The following PTPN21 variants were observed in gnomAD, a reference collection of about 807,000 sequenced individuals.
The protein encoded by PTPN21 is tyrosine-protein phosphatase non-receptor type 21.
Under a neutral mutation model 131.8 loss-of-function variants are expected in PTPN21, and 77 were observed. The ratio of observed to expected loss-of-function variants is 0.58; its 90% CI spans 0.49 to 0.71. The LOEUF is 0.71. Ranked by LOEUF, PTPN21 falls within the 30% of genes least tolerant of loss-of-function variation. PTPN21 has a pLI of 0.00. For missense variants in PTPN21, 1,552 were observed against 1,527.1 expected (o/e 1.02, Z -0.27); for synonymous variants, 715 against 621.3 (o/e 1.15, Z -2.24).
intron 12 of PTPN21, among the ~76,000 whole-genome samples, chr14:88,482,685 G>C (rs73314169): frequency 1.3e-5 from 2 of 151,924 alleles, no homozygotes; most frequent in South Asian, 4.2e-4. Context: ...CAGAGGGAGG[G>C]AAAAAGCCAC....
chr14:88,479,916 T>A lies in PTPN21; in HGVS notation c.1515A>T (p.Pro505=). Residue 505 remains proline (P), a synonymous_variant, in exon 13 of 19, where the codon CCA becomes CCT. Transcript: ENST00000556564. ...EIREHAQLPS[P]AAAHCPFSLS... is the part of the protein sequence containing the mutation. ...GGCTGAACGGGCAGTGTGCGGCCGC[T>A]GGCGAGGGGAGCTGTGCGTGCTCGC... is the stretch of plus-strand genomic sequence containing the variant. The A allele has an allele frequency of 6.2e-7, 1 of 1,601,766 alleles. No individual in the cohort carries two copies. Among genetic ancestry groups the A allele is most frequent in the Non-Finnish European group, 8.5e-7 (1 of 1,177,988 alleles).
At chr14:88,528,770 T>C (rs2078515342) in intron 2 of PTPN21, among the ~76,000 whole-genome samples, 1 of 152,234 alleles carries the variant, frequency 6.6e-6, no homozygotes, top group Non-Finnish European at 1.5e-5. Flanking sequence ...GAACTGTAAG[T>C]CCATTAAATC....
chr14:88,475,663 G>A (rs58750542), intron 13 of PTPN21, among the ~76,000 whole-genome samples: 189 of 152,322 alleles, frequency 1.2e-3, no homozygotes, highest in African/African-American at 4.4e-3. Flanking sequence ...GTTTTGATCG[G>A]TGTTTGCCCA....
intron 13 of PTPN21, among the ~76,000 whole-genome samples, chr14:88,476,948 T>C (rs2077554961): frequency 6.6e-6 from 1 of 152,122 alleles, no homozygotes; most frequent in Non-Finnish European, 1.5e-5. Context: ...ATTCAAAACA[T>C]ACAGGGATAA....
At chr14:88,546,577 A>G (rs1264112548) in intron 2 of PTPN21, among the ~76,000 whole-genome samples, 2 of 19,688 alleles carry the variant, frequency 1.0e-4, no homozygotes, top group African/African-American at 1.1e-4. Context: ...CTCCATCTCA[A>G]AAAAAAAAAA....
chr14:88,536,023 AACTTT>A (rs567141375), intron 2 of PTPN21, among the ~76,000 whole-genome samples: 136 of 152,328 alleles, frequency 8.9e-4, no homozygotes, highest in Non-Finnish European at 1.2e-3. Flanking sequence ...CCTGATAAGA[AACTTT>A]ACCTCCACGT....
At chr14:88,510,681 G>T (rs1322291409) in intron 3 of PTPN21, among the ~76,000 whole-genome samples, 3 of 152,156 alleles carry the variant, frequency 2.0e-5, no homozygotes, top group Non-Finnish European at 4.4e-5. Context: ...CTTGGGCAAG[G>T]TGTTCAACCC....
At position 88,473,721 on chromosome 14, in the gene PTPN21, C is replaced by T. The variant is rs2077505302; in HGVS notation, c.2593G>A (p.Val865Met). ...AALNGLSLSRVPLPDEGKEVA... is the reference protein window; with the variant it reads ...AALNGLSLSRMPLPDEGKEVA... The stretch of plus-strand genomic sequence containing the variant: ...TCCTTTCCTTCATCAGGCAGAGGCA[C>T]TCGAGATAGGGAGAGTCCATTTAGG... The change falls in exon 14 of 19, where the codon GTG becomes ATG. Residue 865 changes from valine (V) to methionine (M), a missense_variant. Val to Met is a conservative substitution (Grantham distance 21). Coordinates refer to ENST00000556564, the MANE Select transcript of PTPN21 (RefSeq NM_007039.4). 1.9e-6 allele frequency: 3 copies of T among 1,612,758 alleles called. No individual in the cohort carries two copies. Among genetic ancestry groups the T allele is most frequent in the Admixed American group, 3.4e-5 (2 of 59,648 alleles).
Position 88,480,110 on chromosome 14 carries a change from T to C in PTPN21, c.1321A>G (p.Ile441Val). The C allele has an allele frequency of 6.2e-7, 1 of 1,614,162 alleles. No homozygotes were observed. ...YLPSHRHSAV[I>V]PPSYRPTPDY... ...GGGGTGGGGCGGTAGGACGGGGGTA[T>C]CACGGCGCTGTGCCGATGGGACGGG... The change falls in exon 13 of 19, where the codon ATA (isoleucine) becomes GTA (valine). Residue 441 changes from isoleucine to valine, a missense_variant. Transcript: ENST00000556564.
At chr14:88,545,947 G>A (rs2052988) in intron 2 of PTPN21, among the ~76,000 whole-genome samples, 80,098 of 147,624 alleles carry the variant, frequency 0.54, 24,158 homozygotes, top group Middle Eastern at 0.7. Context: ...AGCCGAGATC[G>A]CGCCACTGCA....
chr14:88,489,575 G>A (rs750909837), intron 10 of PTPN21, among the ~76,000 whole-genome samples: 10 of 152,070 alleles, frequency 6.6e-5, no homozygotes, highest in African/African-American at 1.2e-4. Flanking sequence ...CCTTAAGCCC[G>A]GGAGTCTGAG....
intron 2 of PTPN21, among the ~76,000 whole-genome samples, chr14:88,519,647 A>G (rs1408702311): frequency 6.6e-6 from 1 of 152,244 alleles, no homozygotes; most frequent in East Asian, 1.9e-4. Flanking sequence ...TTAACAAGGT[A>G]AGAACTATAC....
At chr14:88,548,625 ATC>A (rs2078816653) in intron 2 of PTPN21, among the ~76,000 whole-genome samples, 1 of 152,150 alleles carries the variant, frequency 6.6e-6, no homozygotes, top group Non-Finnish European at 1.5e-5. Context: ...GCACTTACGC[ATC>A]TTCAGTACTG....
chr14:88,542,732 A>G (rs892482224), intron 2 of PTPN21, among the ~76,000 whole-genome samples: 1 of 152,236 alleles, frequency 6.6e-6, no homozygotes, highest in African/African-American at 2.4e-5. Flanking sequence ...AAAGAAGAAA[A>G]GTAACAAAAC....
chr14:88,538,694 C>A (rs1481425737), intron 2 of PTPN21, among the ~76,000 whole-genome samples: 1 of 152,206 alleles, frequency 6.6e-6, no homozygotes, highest in African/African-American at 2.4e-5. Flanking sequence ...CAGAGCAGGC[C>A]ACCTGTCATT....
At chr14:88,506,536 C>T (rs956232347) in intron 4 of PTPN21, among the ~76,000 whole-genome samples, 32 of 152,102 alleles carry the variant, frequency 2.1e-4, no homozygotes, top group Non-Finnish European at 1.3e-4. Flanking sequence ...CATTGGCCTC[C>T]CAAAGTGCTG....
At chr14:88,484,463 G>C (rs1355365799) in intron 12 of PTPN21, among the ~76,000 whole-genome samples, 2 of 151,582 alleles carry the variant, frequency 1.3e-5, no homozygotes, top group African/African-American at 2.4e-5. Context: ...TTTACAATAG[G>C]AAAGCCTCTG....
At chr14:88,525,879 ATGTACTGG>A in intron 2 of PTPN21, among the ~76,000 whole-genome samples, 1 of 152,344 alleles carries the variant, frequency 6.6e-6, no homozygotes, top group East Asian at 1.9e-4. Context: ...AAACACAATG[ATGTACTGG>A]TTCATGCCAC....
At position 88,550,247 on chromosome 14, in the gene PTPN21, C is replaced by T. The variant is rs777944370; in HGVS notation, c.171G>A (p.Glu57=). The T allele has an allele frequency of 8.1e-6, 13 of 1,613,536 alleles. No homozygotes were observed. The East Asian group carries it at 2.9e-4, about 36-fold the overall frequency. The change falls in exon 2 of 19, where the codon GAG becomes GAA. Residue 57 remains glutamate (E), a synonymous_variant. Coordinates refer to ENST00000556564, the MANE Select transcript of PTPN21 (RefSeq NM_007039.4). ...ESLEAVAQRL[E]LREVTYFSLW... is the part of the protein sequence containing the mutation. The stretch of plus-strand genomic sequence containing the variant: ...TCTTTAGGTGGCTTACCTCCCGCAG[C>T]TCCAGCCTCTGGGCCACGGCCTCGA...
Sources: allele counts gnomAD v4.1 joint callset (sites outside exome capture counted in the v4.1 genomes callset), GRCh38; gene constraint gnomAD v4.1.1; transcripts MANE v1.5; gene names NCBI Gene and HGNC (gene_info 2026-07-23, HGNC 2026-07-21).